SEZ6L: variants seen among roughly 807,000 people sequenced by gnomAD.
SEZ6L encodes the protein seizure related 6 homolog like, also known as seizure 6-like protein.
In SEZ6L, 37 loss-of-function variants were observed where a neutral mutation model predicts 106.2. That is an observed-to-expected ratio of 0.35 (90% CI 0.27 to 0.46). The LOEUF is 0.46. Ranked by LOEUF, SEZ6L falls within the 20% of genes least tolerant of loss-of-function variation. The pLI is 1.00. For synonymous variants in SEZ6L, 541 were observed against 570.4 expected (o/e 0.95, Z 0.73); for missense variants, 1,172 against 1,332.8 (o/e 0.88, Z 1.88).
intron 12 of SEZ6L, among the ~76,000 whole-genome samples, chr22:26,358,419 T>C (rs1462746287): frequency 1.3e-5 from 2 of 152,208 alleles, no homozygotes; most frequent in Non-Finnish European, 2.9e-5. Flanking sequence ...GCTTGGCACA[T>C]AGCAAGTCGT....
intron 1 of SEZ6L, among the ~76,000 whole-genome samples, chr22:26,290,045 C>T (rs1162067293): frequency 2.0e-5 from 3 of 152,224 alleles, no homozygotes; most frequent in Admixed American, 6.5e-5. Flanking sequence ...AAGTGCTTTG[C>T]ATACATCAAC....
intron 1 of SEZ6L, among the ~76,000 whole-genome samples, chr22:26,229,237 TC>T (rs1569400301): frequency 6.6e-6 from 1 of 152,184 alleles, no homozygotes; most frequent in East Asian, 1.9e-4. Context: ...CCTCAGGTGA[TC>T]CACCCGCCTT....
chr22:26,182,506 G>T (rs980867076), intron 1 of SEZ6L, among the ~76,000 whole-genome samples: 26 of 152,018 alleles, frequency 1.7e-4, no homozygotes, highest in Non-Finnish European at 5.9e-5. Flanking sequence ...AGGAATTTTT[G>T]ATCAAGAGCT....
Position 26,377,772 on chromosome 22 carries a change from A to G in SEZ6L, c.3042A>G (p.Thr1014=), listed in dbSNP as rs773868436. The change falls in exon 16 of 17, where the codon ACA becomes ACG. Residue 1014 remains threonine, a synonymous_variant. Transcript: ENST00000248933. The stretch of plus-strand genomic sequence containing the variant: ...AGTTTGACAACCCCATTTACGAGAC[A>G]GGGGTGAGTTGGTCTCTCTCGTCTC... The part of the protein sequence containing the change: ...ETEFDNPIYE[T]GETREYEVSI 6.9e-6 allele frequency: 11 copies of G among 1,605,818 alleles called. No individual in the cohort carries two copies. Among genetic ancestry groups the G allele is most frequent in the Non-Finnish European group, 9.4e-6 (11 of 1,172,442 alleles).
At chr22:26,235,415 G>A (rs983391448) in intron 1 of SEZ6L, among the ~76,000 whole-genome samples, 1 of 152,138 alleles carries the variant, frequency 6.6e-6, no homozygotes, top group Non-Finnish European at 1.5e-5. Context: ...CCATGGGCCA[G>A]ACACATTGCT....
intron 5 of SEZ6L, among the ~76,000 whole-genome samples, chr22:26,300,502 G>A (rs1293328725): frequency 1.3e-5 from 2 of 152,218 alleles, no homozygotes; most frequent in African/African-American, 4.8e-5. Context: ...TTTTATGGCT[G>A]CATAGTATTC....
chr22:26,337,167 G>A (rs758170342), intron 9 of SEZ6L, among the ~76,000 whole-genome samples: 1 of 152,168 alleles, frequency 6.6e-6, no homozygotes, highest in African/African-American at 2.4e-5. Context: ...AAAATCACAT[G>A]CCTTCCATGA....
chr22:26,299,797 G>GT (rs967386246), intron 5 of SEZ6L, among the ~76,000 whole-genome samples: 35 of 152,184 alleles, frequency 2.3e-4, no homozygotes, highest in Admixed American at 2.6e-4. Context: ...TTGTATGCCA[G>GT]TTTTTTGTGT....
intron 1 of SEZ6L, among the ~76,000 whole-genome samples, chr22:26,212,271 C>G (rs2078183247): frequency 6.6e-6 from 1 of 152,180 alleles, no homozygotes; most frequent in Non-Finnish European, 1.5e-5. Context: ...AAAGGTTTTA[C>G]AGTCCCATGA....
intron 1 of SEZ6L, among the ~76,000 whole-genome samples, chr22:26,261,749 C>T (rs914163574): frequency 7.2e-5 from 11 of 152,084 alleles, no homozygotes; most frequent in African/African-American, 2.4e-4. Context: ...GAGGTCTCTC[C>T]TTTGAAAGAA....
chr22:26,283,791 T>G (rs1048382235), intron 1 of SEZ6L, among the ~76,000 whole-genome samples: 2 of 150,902 alleles, frequency 1.3e-5, no homozygotes, highest in African/African-American at 2.4e-5. Flanking sequence ...TTCCAGGGGG[T>G]GGAGAAGGAG....
rs776546447 is a variant in SEZ6L at position 26,380,305 on chromosome 22, C to G, written c.*10C>G. On this transcript the variant is annotated 3_prime_UTR_variant, in exon 17 of 17. Transcript: ENST00000248933. The stretch of plus-strand genomic sequence containing the variant: ...TGAGGTTTCTATCTAAAGAGAGCTA[C>G]ACTTGAGAAGGGGACTTGTGAACTC... The G allele has an allele frequency of 6.2e-7, 1 of 1,612,188 alleles. No individual in the cohort carries two copies. Among genetic ancestry groups the G allele is most frequent in the Non-Finnish European group, 8.5e-7 (1 of 1,178,266 alleles).
At chr22:26,323,045 C>G (rs55723498) in intron 9 of SEZ6L, among the ~76,000 whole-genome samples, 33,299 of 152,086 alleles carry the variant, frequency 0.22, 4,013 homozygotes, top group Middle Eastern at 0.36. Flanking sequence ...CCCAAGTGGG[C>G]AGGTAACTTA....
intron 1 of SEZ6L, among the ~76,000 whole-genome samples, chr22:26,280,768 C>T (rs897206217): frequency 5.9e-5 from 9 of 152,136 alleles, no homozygotes; most frequent in African/African-American, 2.2e-4. Flanking sequence ...CAAAATTTAT[C>T]TATTTTTAAT....
At chr22:26,372,010 G>C (rs984044622) in intron 13 of SEZ6L, among the ~76,000 whole-genome samples, 2 of 152,196 alleles carry the variant, frequency 1.3e-5, no homozygotes, top group Non-Finnish European at 2.9e-5. Flanking sequence ...TGGGACTTGG[G>C]GACCCCGGGC....
At chr22:26,296,833 C>T in intron 3 of SEZ6L, 55 bp from the exon 4 acceptor site, 1 of 1,434,800 alleles carries the variant, frequency 7.0e-7, no homozygotes, top group Non-Finnish European at 9.3e-7. Context: ...CCTTAGAAGG[C>T]TCTGTCTCAA....
At chr22:26,234,889 T>C (rs987449462) in intron 1 of SEZ6L, among the ~76,000 whole-genome samples, 1 of 151,758 alleles carries the variant, frequency 6.6e-6, no homozygotes, top group African/African-American at 2.4e-5. Flanking sequence ...CTGGAAGAGG[T>C]GATATTTAAG....
chr22:26,239,348 CTTGCCAG>C (rs1244655326), intron 1 of SEZ6L, among the ~76,000 whole-genome samples: 24 of 152,208 alleles, frequency 1.6e-4, no homozygotes, highest in African/African-American at 5.8e-4. Context: ...TCAAGAAGCA[CTTGCCAG>C]TTAGCCAGCA....
At chr22:26,302,427 C>T (rs2081485310) in intron 5 of SEZ6L, among the ~76,000 whole-genome samples, 1 of 152,188 alleles carries the variant, frequency 6.6e-6, no homozygotes, top group Admixed American at 6.5e-5. Context: ...TCTCAAAAGT[C>T]CTGATGGTGG....
Sources: allele counts gnomAD v4.1 joint callset (sites outside exome capture counted in the v4.1 genomes callset), GRCh38; gene constraint gnomAD v4.1.1; transcripts MANE v1.5; gene names NCBI Gene and HGNC (gene_info 2026-07-23, HGNC 2026-07-21).